Variants in NMT2 observed in about 807,000 individuals in gnomAD.
NMT2 encodes glycylpeptide N-tetradecanoyltransferase 2.
A neutral mutation model predicts 65.4 loss-of-function variants in NMT2; 35 were observed. That is an observed-to-expected ratio of 0.54 (90% CI 0.41 to 0.71). The LOEUF is 0.71. Ranked by LOEUF, NMT2 falls within the 30% of genes least tolerant of loss-of-function variation. The probability of loss-of-function intolerance (pLI) is 0.00; values close to 1 mark genes in which losing one functional copy is unlikely to be tolerated. For missense variants in NMT2, 489 were observed against 611.3 expected, an observed-to-expected ratio of 0.80 and a Z score of 2.11; for synonymous variants, 226 against 231.8, an observed-to-expected ratio of 0.98 and a Z score of 0.23.
rs1833242323 is a variant in NMT2 at position 15,162,790 on chromosome 10, ATC to A, written c.110+5711_110+5712del. ...ATTTATATATATATTTGATTTATAT[ATC>A]TCTATGTATTTGATATTATATATCT... On this transcript the variant is annotated intron_variant, in intron 1 of 11. Coordinates refer to ENST00000378165, the MANE Select transcript of NMT2 (RefSeq NM_004808.3). 3.4e-5 allele frequency among the ~76,000 whole-genome samples: 5 copies of A among 148,028 alleles called. No individual in the cohort carries two copies. The Admixed American group carries it at 3.4e-4, about 10-fold the overall frequency.
rs374343189 is a variant in NMT2 at position 15,149,198 on chromosome 10, TCAC to T, written c.111-7644_111-7642del. ...ATCACCACCACCACTGCCACCATCA[TCAC>T]CACCATCATCACCATCATATCATTA... On this transcript the variant is annotated intron_variant, in intron 1 of 11. Coordinates refer to ENST00000378165, the MANE Select transcript of NMT2 (RefSeq NM_004808.3). Among the ~76,000 whole-genome samples the T allele has an allele frequency of 3.5e-3, 509 of 144,542 alleles. 8 individuals are homozygous for T. In the East Asian group the frequency reaches 0.059, roughly 17 times the overall value. 94.8% of individuals were successfully genotyped at this position (144,542 alleles called of 152,430 possible).
At position 15,168,631 on chromosome 10, in the gene NMT2, G is replaced by C; in HGVS notation, c.-19C>G. ...CCGCCATCGCGGCGGCGCTGGCTGG[G>C]GAGGCGGTGCTCGGGGCCGGGCCGG... On this transcript the variant is annotated 5_prime_UTR_variant, in exon 1 of 12. Coordinates refer to ENST00000378165, the MANE Select transcript of NMT2 (RefSeq NM_004808.3). The C allele has an allele frequency of 6.4e-7, 1 of 1,567,874 alleles. No individual in the cohort carries two copies. The highest frequency in any genetic ancestry group is 8.6e-7 in the Non-Finnish European group (1 of 1,163,698).
intron 1 of NMT2, among the ~76,000 whole-genome samples, chr10:15,155,535 G>GTTTTTT (rs71390015): frequency 5.1e-5 from 3 of 59,392 alleles, no homozygotes; most frequent in South Asian, 1.2e-3. Context: ...TGCCGGGCTA[G>GTTTTTT]TTTTTTTTTT....
chr10:15,129,137 C>T (rs1273125531), intron 7 of NMT2, among the ~76,000 whole-genome samples: 1 of 152,198 alleles, frequency 6.6e-6, no homozygotes, highest in African/African-American at 2.4e-5. Context: ...GTCACCTTCA[C>T]TTTTACAGCC....
intron 6 of NMT2, among the ~76,000 whole-genome samples, chr10:15,131,149 A>G (rs1216382509): frequency 6.6e-6 from 1 of 152,072 alleles, no homozygotes; most frequent in Non-Finnish European, 1.5e-5. Flanking sequence ...TAGACATTTC[A>G]CAAATTCAGA....
intron 2 of NMT2, among the ~76,000 whole-genome samples, chr10:15,137,725 A>C (rs1223721698): frequency 6.6e-6 from 1 of 152,194 alleles, no homozygotes; most frequent in Non-Finnish European, 1.5e-5. Flanking sequence ...TTCTTGATTT[A>C]ATTTTTTGTT....
chr10:15,128,748 T>A (rs1002914009), intron 7 of NMT2, among the ~76,000 whole-genome samples: 1 of 152,220 alleles, frequency 6.6e-6, no homozygotes, highest in Non-Finnish European at 1.5e-5. Flanking sequence ...CTCATGCCTG[T>A]AATCCCAGCA....
At chr10:15,109,646 T>A in intron 11 of NMT2, 56 bp downstream of exon 11, 2 of 1,370,790 alleles carry the variant, frequency 1.5e-6, no homozygotes, top group East Asian at 5.1e-5. Flanking sequence ...GAAGCAAGTA[T>A]GAAATTGTCT....
chr10:15,154,955 G>A (rs766918110), intron 1 of NMT2: 1 of 1,108,276 alleles, frequency 9.0e-7, no homozygotes, highest in Non-Finnish European at 1.4e-6. Context: ...CAGTGCAGAT[G>A]AAAATCTGGG....
In NMT2 at chr10:15,108,627, C is replaced by T. The variant is rs1845399306; in HGVS notation, c.*568G>A. On this transcript the variant is annotated 3_prime_UTR_variant, in exon 12 of 12. Coordinates refer to ENST00000378165, the MANE Select transcript of NMT2 (RefSeq NM_004808.3). The stretch of plus-strand genomic sequence containing the variant: ...CTTATGGAGAAATACATGTACTAGT[C>T]ACCAGTACATTTTAATATTGCTCTG... The T allele has an allele frequency of 1.3e-5, 13 of 986,928 alleles. No individual in the cohort carries two copies. In the South Asian group the frequency reaches 5.6e-4, roughly 43 times the overall value. 61.1% of individuals were successfully genotyped at this position (986,928 alleles called of 1,614,324 possible).
chr10:15,163,529 T>C (rs1833271081), intron 1 of NMT2, among the ~76,000 whole-genome samples: 1 of 152,236 alleles, frequency 6.6e-6, no homozygotes, highest in South Asian at 2.1e-4. Flanking sequence ...AGGCAAAGAC[T>C]GTCGTTAATC....
intron 1 of NMT2, among the ~76,000 whole-genome samples, chr10:15,144,945 T>C: frequency 6.6e-6 from 1 of 152,296 alleles, no homozygotes; most frequent in East Asian, 1.9e-4. Context: ...AGGAACTTGT[T>C]CACAAATACT....
chr10:15,153,091 T>G (rs368875192), intron 1 of NMT2, among the ~76,000 whole-genome samples: 2 of 151,834 alleles, frequency 1.3e-5, no homozygotes, highest in Non-Finnish European at 2.9e-5. Context: ...TCTCTATATA[T>G]AGAGAGAGGA....
At chr10:15,126,360 C>T (rs1307008849) in intron 8 of NMT2, among the ~76,000 whole-genome samples, 6 of 149,034 alleles carry the variant, frequency 4.0e-5, no homozygotes, top group African/African-American at 7.4e-5. Flanking sequence ...ACTCAGGAGG[C>T]GGAGATTGCA....
chr10:15,146,712 A>C (rs1846976913), intron 1 of NMT2, among the ~76,000 whole-genome samples: 1 of 152,190 alleles, frequency 6.6e-6, no homozygotes, highest in African/African-American at 2.4e-5. Flanking sequence ...ATGAATGAGA[A>C]GGGAACTTCC....
Position 15,155,363 on chromosome 10 carries a change from G to A in NMT2, c.110+13140C>T, listed in dbSNP as rs1395257425. 3.8e-6 allele frequency: 3 copies of A among 797,118 alleles called. No individual in the cohort carries two copies. The South Asian group carries it at 4.5e-5, about 12-fold the overall frequency. 49.4% of individuals were successfully genotyped at this position (797,118 alleles called of 1,614,324 possible). ...TCCTGGTGGCGGTGGCGTCTGCAAA[G>A]CCTTTTTTGTTGTGTTTTTTTAAGA... On this transcript the variant is annotated intron_variant, in intron 1 of 11. Transcript: ENST00000378165.
rs1833460027 is a variant in NMT2 at position 15,168,622 on chromosome 10, G to A, written c.-10C>T. 1.9e-6 allele frequency: 3 copies of A among 1,571,544 alleles called. No individual in the cohort carries two copies. Among genetic ancestry groups the A allele is most frequent in the East Asian group, 2.5e-5 (1 of 40,698 alleles). On this transcript the variant is annotated 5_prime_UTR_variant, in exon 1 of 12. Coordinates refer to ENST00000378165, the MANE Select transcript of NMT2 (RefSeq NM_004808.3). ...CGCTGTCCTCCGCCATCGCGGCGGC[G>A]CTGGCTGGGGAGGCGGTGCTCGGGG... is the stretch of plus-strand genomic sequence containing the variant.
intron 1 of NMT2, among the ~76,000 whole-genome samples, chr10:15,142,319 A>G (rs917319841): frequency 6.6e-6 from 1 of 152,166 alleles, no homozygotes; most frequent in Non-Finnish European, 1.5e-5. Flanking sequence ...GCACTTTGGG[A>G]GGCTGAGGCA....
chr10:15,140,598 G>C (rs1846717515), intron 2 of NMT2, among the ~76,000 whole-genome samples: 1 of 151,186 alleles, frequency 6.6e-6, no homozygotes. Context: ...ACTCACTGCA[G>C]CCTTGAACTC....
Sources: gnomAD v4.1 joint callset for allele counts (sites outside exome capture counted in the v4.1 genomes callset) on GRCh38, gnomAD v4.1.1 for gene constraint, MANE v1.5 for transcripts, NCBI Gene and HGNC (gene_info 2026-07-23, HGNC 2026-07-21) for gene names.